Variants in DDHD1 observed in about 807,000 individuals in gnomAD.
DDHD1 encodes phospholipase DDHD1.
A neutral mutation model predicts 96.4 loss-of-function variants in DDHD1; 49 were observed. That is an observed-to-expected ratio of 0.51 (90% CI 0.40 to 0.64). The LOEUF is 0.64. DDHD1 is among the 30% of genes least tolerant of loss of function. DDHD1 has a pLI of 0.00. For synonymous variants in DDHD1, 442 were observed against 446.5 expected, an observed-to-expected ratio of 0.99 and a Z score of 0.13; for missense variants, 1,106 against 1,161.2, an observed-to-expected ratio of 0.95 and a Z score of 0.69.
chr14:53,055,602 A>T, intron 10 of DDHD1, 58 bp downstream of exon 10: 1 of 1,421,988 alleles, frequency 7.0e-7, no homozygotes, highest in Non-Finnish European at 9.3e-7. Context: ...TAGTCCCCCA[A>T]ACTTATGTCT....
At chr14:53,085,465 T>G (rs1182580123) in intron 4 of DDHD1, among the ~76,000 whole-genome samples, 1 of 152,136 alleles carries the variant, frequency 6.6e-6, no homozygotes, top group African/African-American at 2.4e-5. Context: ...TCTTCAACAT[T>G]TGCTGCTCTG....
chr14:53,046,444 A>G lies in DDHD1; in HGVS notation c.*324T>C. The G allele has an allele frequency of 5.7e-6, 1 of 176,778 alleles. No individual in the cohort carries two copies. Among genetic ancestry groups the G allele is most frequent in the East Asian group, 1.5e-4 (1 of 6,840 alleles). 11.0% of individuals were successfully genotyped at this position (176,778 alleles called of 1,614,324 possible). A position where few individuals can be genotyped will look rare whatever the true frequency, so the allele number is the denominator to read the frequency against. On this transcript the variant is annotated 3_prime_UTR_variant, in exon 13 of 13. Transcript: ENST00000673822. ...CTTTGGTTAATACATTATGTTCCAT[A>G]TGCCTTTATATTTGGGAGGAATCAG... is the stretch of plus-strand genomic sequence containing the variant.
At chr14:53,101,537 ATAATT>A (rs1429654053) in intron 2 of DDHD1, among the ~76,000 whole-genome samples, 4 of 152,076 alleles carry the variant, frequency 2.6e-5, no homozygotes, top group Admixed American at 6.5e-5. Context: ...AAGTGTTCTA[ATAATT>A]TAATAATTTT....
chr14:53,092,433 A>G (rs1013940257), intron 3 of DDHD1: 2 of 152,206 alleles, frequency 1.3e-5, no homozygotes, highest in Non-Finnish European at 2.9e-5. Context: ...ATTTTAAAAT[A>G]GGATATAAAA....
Position 53,042,951 on chromosome 14 carries a change from T to G in DDHD1, c.*3817A>C, listed in dbSNP as rs1881756831. 1 of 152,232 alleles carries G rather than the reference T, an allele frequency of 6.6e-6. No homozygotes were observed. The highest frequency in any genetic ancestry group is 2.1e-4 in the South Asian group (1 of 4,834). 9.4% of individuals were successfully genotyped at this position (152,232 alleles called of 1,614,324 possible). A position where few individuals can be genotyped will look rare whatever the true frequency, so the allele number is the denominator to read the frequency against. On this transcript the variant is annotated 3_prime_UTR_variant, in exon 13 of 13. Transcript: ENST00000673822. ...CCACATGCCTTACTCATTAATTAGC[T>G]GAGAAGATAGAAATACCAATCTAAT...
At chr14:53,075,946 AC>A (rs1566541606) in intron 4 of DDHD1, among the ~76,000 whole-genome samples, 1 of 152,126 alleles carries the variant, frequency 6.6e-6, no homozygotes, top group Non-Finnish European at 1.5e-5. Context: ...AGAAAAAAAA[AC>A]GATTCCTTTC....
intron 10 of DDHD1, 83 bp downstream of exon 10, chr14:53,055,577 T>C (rs1170489364): frequency 7.5e-7 from 1 of 1,330,924 alleles, no homozygotes; most frequent in African/African-American, 1.6e-5. Flanking sequence ...AGTTTCCTAA[T>C]ACATAGAATA....
chr14:53,061,259 A>T, intron 7 of DDHD1, 58 bp from the exon 8 acceptor site: 1 of 1,465,238 alleles, frequency 6.8e-7, no homozygotes, highest in African/African-American at 1.4e-5. Context: ...TAAATATTAG[A>T]TGCTTGCTAG....
In DDHD1 at chr14:53,039,080, C is replaced by T. The variant is rs1881464418; in HGVS notation, c.*7688G>A. ...ATTATTAATTTGAACTCTTTTGGAT[C>T]CAAGAGACAGAGACCCACCTCAGAA... On this transcript the variant is annotated 3_prime_UTR_variant, in exon 13 of 13. Coordinates refer to ENST00000673822, the MANE Select transcript of DDHD1 (RefSeq NM_001160148.2). 1 of 152,140 alleles carries T rather than the reference C, an allele frequency of 6.6e-6. No homozygotes were observed. The highest frequency in any genetic ancestry group is 2.4e-5 in the African/African-American group (1 of 41,418). The allele number at this position is 152,140 out of a possible 1,614,324, so 9.4% of individuals were successfully genotyped here.
At chr14:53,094,501 TAGC>T (rs1886707987) in intron 2 of DDHD1, among the ~76,000 whole-genome samples, 1 of 151,962 alleles carries the variant, frequency 6.6e-6, no homozygotes, top group African/African-American at 2.4e-5. Context: ...AGGAGTTTGA[TAGC>T]AGCCTGGGCA....
intron 4 of DDHD1, among the ~76,000 whole-genome samples, chr14:53,087,240 T>C (rs1886056853): frequency 6.6e-6 from 1 of 152,020 alleles, no homozygotes; most frequent in Non-Finnish European, 1.5e-5. Context: ...CTGTCAATAT[T>C]AGACGGATCA....
At position 53,042,018 on chromosome 14, in the gene DDHD1, G is replaced by A. The variant is rs1881693229; in HGVS notation, c.*4750C>T. On this transcript the variant is annotated 3_prime_UTR_variant, in exon 13 of 13. Coordinates refer to ENST00000673822, the MANE Select transcript of DDHD1 (RefSeq NM_001160148.2). ...AATCAGGGGACTAGGTTCTAATTCT[G>A]ACTGTCATTCATTGGCCATGTGATT... The A allele has an allele frequency of 6.6e-6, 1 of 152,184 alleles. No individual in the cohort carries two copies. Among genetic ancestry groups the A allele is most frequent in the South Asian group, 2.1e-4 (1 of 4,826 alleles). 9.4% of individuals were successfully genotyped at this position (152,184 alleles called of 1,614,324 possible).
rs199607183 is a variant in DDHD1, at chr14:53,063,036, T to C, written c.1673A>G (p.Gln558Arg). The C allele has an allele frequency of 6.2e-5, 99 of 1,607,510 alleles. No individual in the cohort carries two copies. The highest frequency in any genetic ancestry group is 5.0e-5 in the Admixed American group (3 of 59,752). ...CAACTCTTCTTCCTTTTGCAGCAAC[T>C]GTTCATACAGCCGAACTGGATTCCA... ...TGWNPVRLYEQLLQKEEELPD... is the reference protein window; with the variant it reads ...TGWNPVRLYERLLQKEEELPD... The change falls in exon 7 of 13, where the codon CAG becomes CGG. Residue 558 changes from glutamine (Q) to arginine (R), a missense_variant. By Grantham distance (43) the Gln-to-Arg change is conservative. Around this residue, in one of 2 missense-constraint regions of DDHD1, gnomAD observed 650 missense variants for 758.8 expected, o/e 0.86. Coordinates refer to ENST00000673822, the MANE Select transcript of DDHD1 (RefSeq NM_001160148.2).
At chr14:53,112,213 G>A (rs1237472863) in intron 1 of DDHD1, among the ~76,000 whole-genome samples, 1 of 152,052 alleles carries the variant, frequency 6.6e-6, no homozygotes, top group Admixed American at 6.6e-5. Context: ...TCAAGAGATC[G>A]AGAACATCCT....
chr14:53,129,792 G>C (rs1889728264), intron 1 of DDHD1, among the ~76,000 whole-genome samples: 1 of 152,048 alleles, frequency 6.6e-6, no homozygotes. Context: ...ATTTTCTTCT[G>C]CAACACTGCT....
intron 9 of DDHD1, among the ~76,000 whole-genome samples, chr14:53,057,431 A>G (rs1323231465): frequency 1.9e-4 from 29 of 152,192 alleles, no homozygotes; most frequent in Admixed American, 6.5e-5. Context: ...CAGCATAAAC[A>G]TAATAGAGAA....
chr14:53,094,794 T>C (rs1483318200), intron 2 of DDHD1, among the ~76,000 whole-genome samples: 2 of 150,540 alleles, frequency 1.3e-5, no homozygotes, highest in Non-Finnish European at 2.9e-5. Context: ...CAATGAGCTA[T>C]GATCATGCCA....
At chr14:53,129,241 T>C (rs1889685130) in intron 1 of DDHD1, among the ~76,000 whole-genome samples, 1 of 152,130 alleles carries the variant, frequency 6.6e-6, no homozygotes, top group Admixed American at 6.5e-5. Context: ...TTGCCCTCAC[T>C]CCGTGAGGAG....
chr14:53,103,366 G>GT, intron 2 of DDHD1: 1 of 348,316 alleles, frequency 2.9e-6, no homozygotes, highest in Non-Finnish European at 5.1e-6. Flanking sequence ...GAATTTTTGG[G>GT]TTAAGTTCAA....
Sources: gnomAD v4.1 joint callset for allele counts (sites outside exome capture counted in the v4.1 genomes callset) on GRCh38, gnomAD v4.1.1 for gene constraint, gnomAD v4.1.1 regional missense constraint, MANE v1.5 for transcripts, NCBI Gene and HGNC (gene_info 2026-07-23, HGNC 2026-07-21) for gene names.